The following ACYP2 variants were observed in gnomAD, a reference collection of about 807,000 sequenced individuals.
The protein encoded by ACYP2 is acylphosphatase 2.
ACYP2 carries 12 observed loss-of-function variants against 11.2 expected under a neutral mutation model. That is an observed-to-expected ratio of 1.08 (90% confidence interval 0.69 to 1.74). ACYP2 has a LOEUF of 1.74. Ranked by LOEUF, ACYP2 falls within the 40% of genes most tolerant of loss-of-function variation. The probability of loss-of-function intolerance (pLI) is 0.00; values close to 1 mark genes in which losing one functional copy is unlikely to be tolerated. For missense variants in ACYP2, 134 were observed against 101.9 expected (o/e 1.31, Z -1.35); for synonymous variants, 43 against 32.2 (o/e 1.33, Z -1.13).
chr2:54,181,281 G>C (rs897066612), intron 6 of ACYP2, among the ~76,000 whole-genome samples: 7 of 152,148 alleles, frequency 4.6e-5, no homozygotes, highest in Non-Finnish European at 1.0e-4. Flanking sequence ...AGTAAGTGGG[G>C]CAGGACACTT....
chr2:53,972,165 C>A (rs892977583), intron 1 of ACYP2, among the ~76,000 whole-genome samples: 1 of 150,668 alleles, frequency 6.6e-6, no homozygotes, highest in African/African-American at 2.5e-5. Context: ...AAAAAGTTAG[C>A]CGGGCGTGGT....
chr2:54,133,355 T>G (rs1681032655), intron 4 of ACYP2, among the ~76,000 whole-genome samples: 1 of 152,204 alleles, frequency 6.6e-6, no homozygotes, highest in Non-Finnish European at 1.5e-5. Context: ...TGTGTGGATC[T>G]ACCACAGTTG....
rs138232062 is a variant in ACYP2, at chr2:53,998,293, C to A, written c.62+24483C>A. On this transcript the variant is annotated intron_variant, in intron 2 of 6. Transcript: ENST00000607452. ...GGTGAGGATGTGGAGGTAGCCGATA[C>A]AGACTTTTCCTCCCAGAAATGTATC... Among the ~76,000 whole-genome samples the A allele has an allele frequency of 1.1e-4, 17 of 152,294 alleles. No homozygotes were observed. In the East Asian group the frequency reaches 3.3e-3, roughly 29 times the overall value.
intron 4 of ACYP2, among the ~76,000 whole-genome samples, chr2:54,073,423 A>G (rs1421323680): frequency 6.6e-6 from 1 of 152,190 alleles, no homozygotes; most frequent in Non-Finnish European, 1.5e-5. Flanking sequence ...TAGAAGTACA[A>G]AACTCTTGGA....
At chr2:54,185,771 T>G (rs1476119169) in intron 6 of ACYP2, among the ~76,000 whole-genome samples, 1 of 152,146 alleles carries the variant, frequency 6.6e-6, no homozygotes, top group Admixed American at 6.5e-5. Context: ...ATTAAAGGAT[T>G]AAACTATTAA....
intron 6 of ACYP2, among the ~76,000 whole-genome samples, chr2:54,302,743 C>T (rs1336153147): frequency 3.9e-5 from 6 of 152,154 alleles, no homozygotes; most frequent in Non-Finnish European, 8.8e-5. Flanking sequence ...CTCTCACAGT[C>T]TCTCCATTTC....
chr2:54,080,045 G>T, intron 4 of ACYP2: 1 of 187,764 alleles, frequency 5.3e-6, no homozygotes, highest in Non-Finnish European at 1.2e-5. Flanking sequence ...GCCTTCGTGG[G>T]CTTCACAAGA....
intron 6 of ACYP2, among the ~76,000 whole-genome samples, chr2:54,152,823 A>G (rs764928184): frequency 6.6e-6 from 1 of 151,814 alleles, no homozygotes; most frequent in Non-Finnish European, 1.5e-5. Flanking sequence ...TTGCTTCCAA[A>G]TTTGTTATTT....
At chr2:54,115,165 G>T (rs1679677586) in intron 4 of ACYP2, among the ~76,000 whole-genome samples, 1 of 152,162 alleles carries the variant, frequency 6.6e-6, no homozygotes, top group Non-Finnish European at 1.5e-5. Context: ...CTTAAAAATT[G>T]ATGAGAGTAG....
chr2:54,078,577 A>T (rs1677473383), intron 4 of ACYP2, among the ~76,000 whole-genome samples: 1 of 148,900 alleles, frequency 6.7e-6, no homozygotes. Context: ...TATTATTTTA[A>T]TTTTTCACTT....
rs1273380195 is a variant in ACYP2, at chr2:54,273,084, GT to G, written c.405-31601del. 4.5e-4 allele frequency among the ~76,000 whole-genome samples: 69 copies of G among 152,312 alleles called. 1 individual carries two copies. Among genetic ancestry groups the G allele is most frequent in the South Asian group, 1.5e-3 (7 of 4,826 alleles). On this transcript the variant is annotated intron_variant, in intron 6 of 6. Coordinates refer to ENST00000607452, the MANE Select transcript of ACYP2 (RefSeq NM_001320586.2). ...AGGCAGGCTTTTCTCTGACAAAGTTGTTTGGGTTATTTTTATCTTTCTGCTT... is the reference window on the plus strand; with the variant it reads ...AGGCAGGCTTTTCTCTGACAAAGTTGTTGGGTTATTTTTATCTTTCTGCTT...
intron 2 of ACYP2, among the ~76,000 whole-genome samples, chr2:53,974,248 G>A (rs1286922750): frequency 6.6e-6 from 1 of 152,074 alleles, no homozygotes; most frequent in Non-Finnish European, 1.5e-5. Flanking sequence ...ATGAAAAGGA[G>A]CCAGTGGAGA....
chr2:54,257,572 A>T (rs1005343402), intron 6 of ACYP2, among the ~76,000 whole-genome samples: 1 of 152,226 alleles, frequency 6.6e-6, no homozygotes, highest in African/African-American at 2.4e-5. Context: ...TAAAAGACCA[A>T]TAGAATTAGG....
chr2:54,134,637 C>T lies in ACYP2; in HGVS notation c.278-816C>T, dbSNP rs556639206. Among the ~76,000 whole-genome samples the T allele has an allele frequency of 7.2e-5, 11 of 152,296 alleles. No homozygotes were observed. The East Asian group carries it at 2.1e-3, about 29-fold the overall frequency. On this transcript the variant is annotated intron_variant, in intron 4 of 6. Coordinates refer to ENST00000607452, the MANE Select transcript of ACYP2 (RefSeq NM_001320586.2). ...TTACTATTTTTCTCCAAAAAGTCTT[C>T]CTTTTCTCTTTTCATTTTAAAAGAA...
chr2:54,138,872 A>T (rs367644193), intron 6 of ACYP2, 124 bp downstream of exon 3: 40 of 724,168 alleles, frequency 5.5e-5, no homozygotes, highest in East Asian at 3.6e-4. Flanking sequence ...GGCTCACTAC[A>T]ACCTCTGCCT....
intron 2 of ACYP2, among the ~76,000 whole-genome samples, chr2:54,039,603 T>C (rs559559931): frequency 6.6e-6 from 1 of 152,050 alleles, no homozygotes; most frequent in South Asian, 2.1e-4. Flanking sequence ...ATTTTTGTAT[T>C]TTTGGTAGAG....
At position 54,103,653 on chromosome 2, in the gene ACYP2, C is replaced by T. The variant is rs1362260120; in HGVS notation, c.278-31800C>T. On this transcript the variant is annotated intron_variant, in intron 4 of 6. Coordinates refer to ENST00000607452, the MANE Select transcript of ACYP2 (RefSeq NM_001320586.2). ...CCAGTTTTCTCATCTGTAAAATGGG[C>T]CATTGATTTTCTTCCTATTCTTCTA... Among the ~76,000 whole-genome samples, 3 of 152,162 alleles carry T rather than the reference C, an allele frequency of 2.0e-5. No individual in the cohort carries two copies. The East Asian group carries it at 5.8e-4, about 29-fold the overall frequency.
chr2:54,148,573 T>A (rs1415753156), intron 6 of ACYP2, among the ~76,000 whole-genome samples: 1 of 152,164 alleles, frequency 6.6e-6, no homozygotes, highest in African/African-American at 2.4e-5. Flanking sequence ...GGCTCCTAGA[T>A]AAATGGGTCA....
At chr2:54,162,723 T>C (rs75660196) in intron 6 of ACYP2, among the ~76,000 whole-genome samples, 7,288 of 152,186 alleles carry the variant, frequency 0.048, 576 homozygotes, top group African/African-American at 0.17. Context: ...CCCAGCACTT[T>C]TGGAGGCCAG....
Sources: allele counts gnomAD v4.1 joint callset (sites outside exome capture counted in the v4.1 genomes callset), GRCh38; gene constraint gnomAD v4.1.1; transcripts MANE v1.5; gene names NCBI Gene and HGNC (gene_info 2026-07-23, HGNC 2026-07-21).